SNX3: variants seen among roughly 807,000 people sequenced by gnomAD.
SNX3 encodes sorting nexin-3.
A neutral mutation model predicts 17.7 loss-of-function variants in SNX3; 5 were observed. The observed-to-expected ratio is 0.28, with a 90% CI of 0.15 to 0.59. The LOEUF is 0.59. Ranked by LOEUF, SNX3 falls within the 20% of genes least tolerant of loss-of-function variation. The pLI is 0.88. For synonymous variants in SNX3, 91 were observed against 76.5 expected (o/e 1.19, Z -0.99); for missense variants, 132 against 206.8 (o/e 0.64, Z 2.22).
chr6:108,222,320 GCT>G (rs1278726070), intron 2 of SNX3: 5 of 1,303,846 alleles, frequency 3.8e-6, no homozygotes, highest in Non-Finnish European at 5.1e-6. Flanking sequence ...CTGAGGCAGG[GCT>G]GAAATGAGAG....
At chr6:108,233,497 A>C (rs562643568) in intron 1 of SNX3, among the ~76,000 whole-genome samples, 2 of 152,352 alleles carry the variant, frequency 1.3e-5, no homozygotes, top group African/African-American at 4.8e-5. Context: ...CAGTATTTTC[A>C]AATGATTCTC....
At chr6:108,221,089 G>C (rs758852595) in intron 2 of SNX3, among the ~76,000 whole-genome samples, 1 of 152,032 alleles carries the variant, frequency 6.6e-6, no homozygotes, top group Non-Finnish European at 1.5e-5. Flanking sequence ...AAATAAATCT[G>C]CAACTTTATA....
At chr6:108,243,741 T>C (rs954410500) in intron 1 of SNX3, among the ~76,000 whole-genome samples, 22 of 152,088 alleles carry the variant, frequency 1.4e-4, no homozygotes, top group African/African-American at 5.1e-4. Context: ...GAGACCAGCC[T>C]GGTCAACATG....
intron 1 of SNX3, among the ~76,000 whole-genome samples, chr6:108,253,803 A>G (rs1042027102): frequency 1.3e-5 from 2 of 152,116 alleles, no homozygotes; most frequent in Admixed American, 6.6e-5. Context: ...CTTGCTGCAT[A>G]TAAGTGCCCT....
intron 1 of SNX3, among the ~76,000 whole-genome samples, chr6:108,245,762 G>GT (rs1329824274): frequency 6.6e-6 from 1 of 152,196 alleles, no homozygotes; most frequent in Non-Finnish European, 1.5e-5. Context: ...TTTGAGAAGT[G>GT]TCTGTTCATA....
intron 1 of SNX3, among the ~76,000 whole-genome samples, chr6:108,250,759 A>C (rs939831203): frequency 6.6e-6 from 1 of 152,240 alleles, no homozygotes; most frequent in Admixed American, 6.5e-5. Context: ...AACGGAAAGC[A>C]AACAAGCTAT....
intron 1 of SNX3, among the ~76,000 whole-genome samples, chr6:108,254,130 G>GA (rs36069364): frequency 8.2e-4 from 112 of 137,408 alleles, no homozygotes; most frequent in African/African-American, 8.6e-4. Context: ...CCGTCTCAAA[G>GA]AAAAAAAAAA....
At chr6:108,216,860 C>T (rs1442036360) in intron 2 of SNX3, among the ~76,000 whole-genome samples, 1 of 152,120 alleles carries the variant, frequency 6.6e-6, no homozygotes, top group African/African-American at 2.4e-5. Context: ...ATTTACTCTC[C>T]TCAGATGACC....
intron 1 of SNX3, among the ~76,000 whole-genome samples, chr6:108,242,002 A>T (rs1018428557): frequency 6.6e-6 from 1 of 152,216 alleles, no homozygotes; most frequent in African/African-American, 2.4e-5. Flanking sequence ...AAGATTATTT[A>T]AAAAACACTG....
chr6:108,243,642 C>T (rs1775591587), intron 1 of SNX3, among the ~76,000 whole-genome samples: 1 of 152,148 alleles, frequency 6.6e-6, no homozygotes, highest in South Asian at 2.1e-4. Context: ...ATGAAATCCA[C>T]ATGAAGAGCC....
intron 1 of SNX3, among the ~76,000 whole-genome samples, chr6:108,240,928 G>A (rs1195285734): frequency 1.3e-5 from 2 of 151,716 alleles, no homozygotes; most frequent in Admixed American, 1.3e-4. Flanking sequence ...GGATCACGAG[G>A]TCAGGAGTTC....
At chr6:108,238,807 G>A (rs900675205) in intron 1 of SNX3, among the ~76,000 whole-genome samples, 4 of 152,118 alleles carry the variant, frequency 2.6e-5, no homozygotes, top group African/African-American at 9.7e-5. Context: ...GTTGCATGGG[G>A]TGGGGGGAAA....
intron 2 of SNX3, among the ~76,000 whole-genome samples, chr6:108,220,639 A>G (rs976560749): frequency 3.3e-5 from 5 of 152,184 alleles, no homozygotes; most frequent in Non-Finnish European, 7.3e-5. Context: ...CTCATCATTA[A>G]GTGCCATATG....
chr6:108,232,292 T>C (rs1017692229), intron 1 of SNX3, among the ~76,000 whole-genome samples: 1 of 152,158 alleles, frequency 6.6e-6, no homozygotes, highest in Non-Finnish European at 1.5e-5. Context: ...AAAGTATTAC[T>C]AATCACACAG....
chr6:108,220,593 T>C (rs1774733258), intron 2 of SNX3, among the ~76,000 whole-genome samples: 2 of 152,192 alleles, frequency 1.3e-5, no homozygotes, highest in Admixed American at 1.3e-4. Context: ...GCACAAACAA[T>C]GAAATCACCT....
intron 1 of SNX3, among the ~76,000 whole-genome samples, chr6:108,234,106 C>T (rs72935099): frequency 0.027 from 4,035 of 151,960 alleles, 92 homozygotes; most frequent in Non-Finnish European, 0.04. Context: ...GAGGGGAGAG[C>T]GGAATACTCT....
At chr6:108,226,004 C>A (rs949292739) in intron 1 of SNX3, among the ~76,000 whole-genome samples, 1 of 147,718 alleles carries the variant, frequency 6.8e-6, no homozygotes, top group South Asian at 2.1e-4. Flanking sequence ...TATGATTGCA[C>A]CACTGCACTC....
chr6:108,221,497 G>A (rs956860590), intron 2 of SNX3, among the ~76,000 whole-genome samples: 4 of 144,542 alleles, frequency 2.8e-5, no homozygotes, highest in African/African-American at 1.0e-4. Context: ...CATTCCAAAC[G>A]AGGAATACAG....
At chr6:108,222,798 G>A in intron 2 of SNX3, 152 bp downstream of exon 2, 3 of 649,980 alleles carry the variant, frequency 4.6e-6, no homozygotes, top group Non-Finnish European at 8.1e-6. Context: ...AATTTACACA[G>A]ACTCTACCTC....
Sources: gnomAD v4.1 joint callset for allele counts (sites outside exome capture counted in the v4.1 genomes callset) on GRCh38, gnomAD v4.1.1 for gene constraint, MANE v1.5 for transcripts, NCBI Gene and HGNC (gene_info 2026-07-23, HGNC 2026-07-21) for gene names.